The following TSHZ1 variants were observed in gnomAD, a reference collection of about 807,000 sequenced individuals.
TSHZ1 encodes the protein teashirt homolog 1.
Under a neutral mutation model 67.1 loss-of-function variants are expected in TSHZ1, and 12 were observed. That is an observed-to-expected ratio of 0.18 (90% CI 0.11 to 0.29). The LOEUF is 0.29. Among genes scored for constraint, TSHZ1 ranks in the 10% least tolerant of loss-of-function variants. The pLI is 1.00. For synonymous variants in TSHZ1, 632 were observed against 622.4 expected, an observed-to-expected ratio of 1.02 and a Z score of -0.23; for missense variants, 1,305 against 1,413.9, an observed-to-expected ratio of 0.92 and a Z score of 1.23.
At chr18:75,218,969 G>A (rs1209971335) in intron 1 of TSHZ1, among the ~76,000 whole-genome samples, 1 of 152,024 alleles carries the variant, frequency 6.6e-6, no homozygotes, top group Non-Finnish European at 1.5e-5. Flanking sequence ...TACCATTCAT[G>A]ACAACAATAA....
At chr18:75,267,213 T>G (rs937275531) in intron 1 of TSHZ1, among the ~76,000 whole-genome samples, 3 of 152,200 alleles carry the variant, frequency 2.0e-5, no homozygotes, top group African/African-American at 7.2e-5. Flanking sequence ...CTGCTCATAA[T>G]CCTGCGAAAG....
At chr18:75,214,923 G>A (rs540837109) in intron 1 of TSHZ1, among the ~76,000 whole-genome samples, 4 of 152,160 alleles carry the variant, frequency 2.6e-5, no homozygotes, top group Admixed American at 2.6e-4. Context: ...ATGTAATCAC[G>A]TTGATATTAT....
intron 1 of TSHZ1, among the ~76,000 whole-genome samples, chr18:75,225,300 T>C (rs1329473866): frequency 1.3e-5 from 2 of 152,242 alleles, no homozygotes; most frequent in South Asian, 2.1e-4. Context: ...AAAGAAAAAT[T>C]AAATATTTTG....
intron 1 of TSHZ1, among the ~76,000 whole-genome samples, chr18:75,273,113 T>C (rs981441883): frequency 6.6e-6 from 1 of 152,240 alleles, no homozygotes; most frequent in Non-Finnish European, 1.5e-5. Context: ...AGCTGACTTT[T>C]AGAAAGCAGA....
chr18:75,214,140 C>T (rs2022735687), intron 1 of TSHZ1, among the ~76,000 whole-genome samples: 1 of 152,198 alleles, frequency 6.6e-6, no homozygotes, highest in South Asian at 2.1e-4. Context: ...CATTGTTTAG[C>T]TCTTCCCCCC....
At position 75,216,490 on chromosome 18, in the gene TSHZ1, C is replaced by T. The variant is rs144309693; in HGVS notation, c.40+4574C>T. Among the ~76,000 whole-genome samples, 15 of 152,264 alleles carry T rather than the reference C, an allele frequency of 9.9e-5. No homozygotes were observed. In the East Asian group the frequency reaches 2.9e-3, roughly 29 times the overall value. On this transcript the variant is annotated intron_variant, in intron 1 of 1. Transcript: ENST00000580243. ...TGTTAATGTATTGGGGAGGGGAATA[C>T]ATTCCAGAAAGTTTCTGTAGTATCT...
chr18:75,258,317 A>G (rs1050561667), intron 1 of TSHZ1, among the ~76,000 whole-genome samples: 4 of 152,222 alleles, frequency 2.6e-5, no homozygotes, highest in Admixed American at 1.3e-4. Flanking sequence ...AGTGTCTACT[A>G]TATGAGCTTG....
chr18:75,264,586 C>G (rs915966677), intron 1 of TSHZ1, among the ~76,000 whole-genome samples: 1 of 151,532 alleles, frequency 6.6e-6, no homozygotes, highest in Admixed American at 6.6e-5. Flanking sequence ...CAACTTAATT[C>G]TGAGCCCGAG....
At chr18:75,228,439 G>A (rs755798215) in intron 1 of TSHZ1, among the ~76,000 whole-genome samples, 3 of 152,190 alleles carry the variant, frequency 2.0e-5, no homozygotes, top group Admixed American at 6.5e-5. Context: ...CATTATCAGG[G>A]CAGCAGTTAA....
chr18:75,285,335 G>A (rs2023737686), intron 1 of TSHZ1, 113 bp from the exon 2 acceptor site: 1 of 1,322,318 alleles, frequency 7.6e-7, no homozygotes, highest in Non-Finnish European at 9.9e-7. Context: ...GTAGCCTTGT[G>A]TCCTGGGGGC....
At chr18:75,223,912 A>C (rs1044961610) in intron 1 of TSHZ1, among the ~76,000 whole-genome samples, 1 of 152,078 alleles carries the variant, frequency 6.6e-6, no homozygotes, top group Admixed American at 6.5e-5. Flanking sequence ...GATGAGGTCA[A>C]CCATGACTGA....
chr18:75,280,752 G>T (rs1008501484), intron 1 of TSHZ1: 1 of 985,388 alleles, frequency 1.0e-6, no homozygotes, highest in Non-Finnish European at 1.2e-6. Context: ...ACCCAGAGGC[G>T]CAGGAGCCTG....
rs1352678077 is a variant in TSHZ1 at position 75,211,268 on chromosome 18, T to C, written c.-609T>C. 3 of 152,008 alleles carry C rather than the reference T, an allele frequency of 2.0e-5. No individual in the cohort carries two copies. Among genetic ancestry groups the C allele is most frequent in the Admixed American group, 1.3e-4 (2 of 15,278 alleles). 9.4% of individuals were successfully genotyped at this position (152,008 alleles called of 1,614,324 possible). Reference sequence around the variant, plus strand: ...TGTATGTACGGGGGCTTCACTCCTCTGTCTTGTTTGCTTTCTTCCTCTTAG... The same window carrying C: ...TGTATGTACGGGGGCTTCACTCCTCCGTCTTGTTTGCTTTCTTCCTCTTAG... On this transcript the variant is annotated 5_prime_UTR_variant, in exon 1 of 2. Coordinates refer to ENST00000580243, the MANE Select transcript of TSHZ1 (RefSeq NM_001308210.2).
intron 1 of TSHZ1, among the ~76,000 whole-genome samples, chr18:75,237,791 CATTTATTT>C (rs1555726446): frequency 4.4e-4 from 63 of 143,570 alleles, no homozygotes; most frequent in Non-Finnish European, 5.2e-4. Flanking sequence ...TTCTTTCTTT[CATTTATTT>C]ATTTATTTAT....
chr18:75,216,137 A>G (rs998881198), intron 1 of TSHZ1, among the ~76,000 whole-genome samples: 7 of 152,256 alleles, frequency 4.6e-5, no homozygotes, highest in Admixed American at 2.0e-4. Context: ...GGATGAAAAT[A>G]GTAAGAAACA....
At position 75,287,826 on chromosome 18, in the gene TSHZ1, G is replaced by C. The variant is rs374648821; in HGVS notation, c.2419G>C (p.Asp807His). The C allele has an allele frequency of 2.5e-6, 4 of 1,614,082 alleles. No homozygotes were observed. Among genetic ancestry groups the C allele is most frequent in the Non-Finnish European group, 3.4e-6 (4 of 1,180,050 alleles). ...AIDRYYYENS[D>H]QPIDLTKSKN... ...CGACCGCTACTATTATGAAAACAGC[G>C]ACCAGCCCATTGACTTAACCAAGTC... The change falls in exon 2 of 2, where the codon GAC (aspartate) becomes CAC (histidine). Residue 807 changes from aspartate to histidine, a missense_variant. By Grantham distance (81) the Asp-to-His change is moderately conservative. Transcript: ENST00000580243. This position sits in a 1 kb window ranked among gnomAD's most constrained non-coding sequence, Gnocchi z 5.0.
chr18:75,274,565 T>C (rs2023595087), intron 1 of TSHZ1, among the ~76,000 whole-genome samples: 1 of 152,208 alleles, frequency 6.6e-6, no homozygotes, highest in African/African-American at 2.4e-5. Context: ...TTTGTACCCA[T>C]AAGAACTAAA....
At chr18:75,264,481 C>T (rs941963500) in intron 1 of TSHZ1, among the ~76,000 whole-genome samples, 2 of 97,584 alleles carry the variant, frequency 2.0e-5, no homozygotes, top group African/African-American at 7.7e-5. Flanking sequence ...ATTACACTGA[C>T]AGATTTTTTT....
intron 1 of TSHZ1, among the ~76,000 whole-genome samples, chr18:75,277,516 GA>G (rs1313588634): frequency 1.3e-5 from 2 of 152,162 alleles, no homozygotes; most frequent in Non-Finnish European, 2.9e-5. Context: ...CTGGGCTTGG[GA>G]GGTGGGAGAT....
Sources: allele counts gnomAD v4.1 joint callset (sites outside exome capture counted in the v4.1 genomes callset), GRCh38; gene constraint gnomAD v4.1.1; non-coding constraint Gnocchi (gnomAD v3.1); transcripts MANE v1.5; gene names NCBI Gene and HGNC (gene_info 2026-07-23, HGNC 2026-07-21).